CSMD1: variants seen among roughly 807,000 people sequenced by gnomAD.
CSMD1 encodes the protein CUB and Sushi multiple domains 1.
CSMD1 carries 213 observed loss-of-function variants against 417.5 expected under a neutral mutation model. The observed-to-expected ratio is 0.51, with a 90% CI of 0.46 to 0.57. The LOEUF (loss-of-function observed/expected upper bound fraction) is 0.57, where lower values mean the gene tolerates loss of function less well. CSMD1 is among the 20% of genes least tolerant of loss of function. The pLI is 0.00. For missense variants in CSMD1, 6,923 were observed against 4,529.7 expected (o/e 1.53, Z -15.17); for synonymous variants, 2,862 against 1,736.8 (o/e 1.65, Z -16.11).
chr8:3,215,228 G>T (rs768319526), intron 29 of CSMD1, among the ~76,000 whole-genome samples: 6 of 152,192 alleles, frequency 3.9e-5, no homozygotes, highest in Non-Finnish European at 8.8e-5. Flanking sequence ...GAAGATGGAT[G>T]CTTGTTCTCA....
chr8:4,361,445 T>A (rs1259372430), intron 3 of CSMD1, among the ~76,000 whole-genome samples: 1 of 151,202 alleles, frequency 6.6e-6, no homozygotes, highest in Non-Finnish European at 1.5e-5. Context: ...ACTCATTTTA[T>A]CTTCATTACA....
chr8:3,678,795 G>A (rs566428500), intron 7 of CSMD1, among the ~76,000 whole-genome samples: 8 of 152,190 alleles, frequency 5.3e-5, no homozygotes, highest in Admixed American at 2.0e-4. Flanking sequence ...GAGAAAGGTC[G>A]GGTTACCCAC....
chr8:3,978,254 T>A (rs1813592933), intron 5 of CSMD1, among the ~76,000 whole-genome samples: 1 of 152,090 alleles, frequency 6.6e-6, no homozygotes, highest in Non-Finnish European at 1.5e-5. Flanking sequence ...CCAGCAGAGG[T>A]GACCTGACAT....
Position 4,456,397 on chromosome 8 carries a change from G to C in CSMD1, c.303-36332C>G, listed in dbSNP as rs567191130. Among the ~76,000 whole-genome samples the C allele has an allele frequency of 1.5e-3, 229 of 152,284 alleles. 1 individual carries two copies. The highest frequency in any genetic ancestry group is 4.9e-3 in the African/African-American group (205 of 41,554). ...ACTAATCAAATAGCTAGGTATCAAA[G>C]ACAAGATATCGACTTCTTAGAAAAA... On this transcript the variant is annotated intron_variant, in intron 2 of 69. Transcript: ENST00000635120.
chr8:3,577,351 A>G (rs1800193816), intron 9 of CSMD1, among the ~76,000 whole-genome samples: 1 of 152,244 alleles, frequency 6.6e-6, no homozygotes. Flanking sequence ...CAAGTCATGG[A>G]CCCAGTTCCT....
intron 12 of CSMD1, among the ~76,000 whole-genome samples, chr8:3,454,704 C>A (rs1222364002): frequency 2.6e-5 from 4 of 152,300 alleles, no homozygotes; most frequent in South Asian, 2.1e-4. Context: ...ATGGGCTTCC[C>A]CTTGTGGGTA....
At chr8:3,559,369 T>C (rs1799368464) in intron 10 of CSMD1, among the ~76,000 whole-genome samples, 1 of 152,172 alleles carries the variant, frequency 6.6e-6, no homozygotes, top group South Asian at 2.1e-4. Flanking sequence ...AGTAAGCTGA[T>C]GGGAAGAAAT....
intron 1 of CSMD1, among the ~76,000 whole-genome samples, chr8:4,988,721 C>G (rs1811309104): frequency 6.6e-6 from 1 of 152,214 alleles, no homozygotes; most frequent in African/African-American, 2.4e-5. Context: ...GCATTTTCCT[C>G]TCCCATAAAG....
chr8:3,964,793 C>G (rs1223706079), intron 5 of CSMD1, among the ~76,000 whole-genome samples: 3 of 152,208 alleles, frequency 2.0e-5, no homozygotes, highest in South Asian at 4.1e-4. Context: ...CAATTATTTG[C>G]TGACAATCTG....
chr8:3,929,583 T>TA (rs1348790293), intron 5 of CSMD1, among the ~76,000 whole-genome samples: 2 of 150,532 alleles, frequency 1.3e-5, no homozygotes, highest in East Asian at 1.9e-4. Flanking sequence ...TGTTATAAGA[T>TA]AAAAAATAAA....
At chr8:4,405,605 CAAAAA>C (rs1193592235) in intron 3 of CSMD1, among the ~76,000 whole-genome samples, 6 of 151,754 alleles carry the variant, frequency 4.0e-5, no homozygotes, top group Non-Finnish European at 7.4e-5. Context: ...TGTTGACAAT[CAAAAA>C]AGAAAAAAAG....
At chr8:3,267,388 C>A (rs899775584) in intron 26 of CSMD1, among the ~76,000 whole-genome samples, 2 of 152,212 alleles carry the variant, frequency 1.3e-5, no homozygotes, top group African/African-American at 2.4e-5. Context: ...TACAAAGGTG[C>A]GTTGGAGCAA....
At chr8:3,481,972 G>C (rs1238823877) in intron 11 of CSMD1, among the ~76,000 whole-genome samples, 1 of 152,192 alleles carries the variant, frequency 6.6e-6, no homozygotes, top group Non-Finnish European at 1.5e-5. Context: ...TGTATCAGTA[G>C]ACTGTTATAA....
At chr8:4,476,822 G>A (rs1563215885) in intron 2 of CSMD1, among the ~76,000 whole-genome samples, 2 of 152,262 alleles carry the variant, frequency 1.3e-5, no homozygotes, top group African/African-American at 4.8e-5. Context: ...ACCCATCACC[G>A]TACTTCCCTG....
chr8:4,433,609 A>T lies in CSMD1; in HGVS notation c.303-13544T>A, dbSNP rs149444469. Among the ~76,000 whole-genome samples the T allele has an allele frequency of 4.4e-3, 670 of 152,272 alleles. 7 individuals carry two copies. The highest frequency in any genetic ancestry group is 0.016 in the African/African-American group (651 of 41,556). On this transcript the variant is annotated intron_variant, in intron 2 of 69. Coordinates refer to ENST00000635120, the MANE Select transcript of CSMD1 (RefSeq NM_033225.6). ...GCGCCCTTAAAATGGGAAACGACAA[A>T]TTTGATAAAGCCAGTTTTCTTTATG... is the stretch of plus-strand genomic sequence containing the variant.
intron 3 of CSMD1, among the ~76,000 whole-genome samples, chr8:4,109,664 A>G (rs1260589574): frequency 6.6e-6 from 1 of 152,196 alleles, no homozygotes; most frequent in Non-Finnish European, 1.5e-5. Context: ...TTTGTTGTCC[A>G]TTATCATTAA....
intron 1 of CSMD1, among the ~76,000 whole-genome samples, chr8:4,717,764 T>C (rs1243562675): frequency 6.6e-6 from 1 of 152,112 alleles, no homozygotes; most frequent in Non-Finnish European, 1.5e-5. Flanking sequence ...TCAGAAACTG[T>C]CAGATTGTCA....
intron 2 of CSMD1, among the ~76,000 whole-genome samples, chr8:4,569,518 C>A (rs1371278287): frequency 6.6e-5 from 10 of 152,114 alleles, no homozygotes. Flanking sequence ...TGTTTTGGTA[C>A]CAGTACCATG....
At chr8:4,264,692 A>T (rs1804126570) in intron 3 of CSMD1, among the ~76,000 whole-genome samples, 1 of 152,180 alleles carries the variant, frequency 6.6e-6, no homozygotes, top group African/African-American at 2.4e-5. Context: ...AATAAGGGGA[A>T]CAGGGCCTTA....
Sources: gnomAD v4.1 joint callset for allele counts (sites outside exome capture counted in the v4.1 genomes callset) on GRCh38, gnomAD v4.1.1 for gene constraint, MANE v1.5 for transcripts, NCBI Gene and HGNC (gene_info 2026-07-23, HGNC 2026-07-21) for gene names.